DGKI: variants seen among roughly 807,000 people sequenced by gnomAD.
DGKI encodes diacylglycerol kinase iota.
Under a neutral mutation model 147.5 loss-of-function variants are expected in DGKI, and 55 were observed. The ratio of observed to expected loss-of-function variants is 0.37; its 90% CI spans 0.30 to 0.47. The LOEUF is 0.47. Ranked by LOEUF, DGKI falls within the 20% of genes least tolerant of loss-of-function variation. The pLI is 1.00. For missense variants in DGKI, 1,007 were observed against 1,323.8 expected (o/e 0.76, Z 3.71); for synonymous variants, 469 against 477.1 (o/e 0.98, Z 0.22).
intron 20 of DGKI, among the ~76,000 whole-genome samples, chr7:137,524,130 C>A (rs1438247984): frequency 6.8e-6 from 1 of 146,190 alleles, no homozygotes; most frequent in African/African-American, 2.8e-5. Flanking sequence ...GTTAAGTAAA[C>A]CAGAGAACAC....
chr7:137,744,281 A>C (rs1321295546), intron 1 of DGKI, among the ~76,000 whole-genome samples: 3 of 152,200 alleles, frequency 2.0e-5, no homozygotes, highest in Non-Finnish European at 4.4e-5. Context: ...AGACTAGAGA[A>C]TCTTGAGAGA....
Position 137,585,219 on chromosome 7 carries a change from C to A in DGKI, c.1553G>T (p.Gly518Val), listed in dbSNP as rs760427632. The change falls in exon 14 of 33, where the codon GGC becomes GTC. Residue 518 changes from glycine to valine, a missense_variant. Physicochemically the swap from Gly to Val is moderately radical, Grantham distance 109 (BLOSUM62 -3). Coordinates refer to ENST00000614521, the MANE Select transcript of DGKI (RefSeq NM_001321708.2). Reference protein sequence around the residue: ...PDLPPEELEDGVCKLPLNVFN... With the variant: ...PDLPPEELEDVVCKLPLNVFN... ...AAAAAACTCTCTAACCTTACATACG[C>A]CATCTTCAAGTTCTTCTGGAGGCAA... 1.2e-6 allele frequency: 2 copies of A among 1,614,110 alleles called. No homozygotes were observed. The highest frequency in any genetic ancestry group is 4.5e-5 in the East Asian group (2 of 44,884).
intron 3 of DGKI, among the ~76,000 whole-genome samples, chr7:137,668,153 T>C (rs1822708257): frequency 6.6e-6 from 1 of 152,216 alleles, no homozygotes; most frequent in African/African-American, 2.4e-5. Flanking sequence ...CTGATGAGGA[T>C]AGATAAGAAA....
At chr7:137,538,675 A>G (rs1414385198) in intron 20 of DGKI, among the ~76,000 whole-genome samples, 1 of 152,210 alleles carries the variant, frequency 6.6e-6, no homozygotes, top group Non-Finnish European at 1.5e-5. Context: ...GCAGTCCGAT[A>G]GTTCTCTGCT....
At chr7:137,697,774 G>A (rs980382243) in intron 1 of DGKI, among the ~76,000 whole-genome samples, 4 of 151,878 alleles carry the variant, frequency 2.6e-5, no homozygotes, top group African/African-American at 9.7e-5. Flanking sequence ...TTTTATTGGA[G>A]GAGACTAATT....
intron 1 of DGKI, among the ~76,000 whole-genome samples, chr7:137,738,117 G>A (rs2116694848): frequency 6.6e-6 from 1 of 152,192 alleles, no homozygotes; most frequent in African/African-American, 2.4e-5. Context: ...TATAAAATAT[G>A]TCCTATGTTT....
intron 1 of DGKI, among the ~76,000 whole-genome samples, chr7:137,772,925 G>A (rs1796251122): frequency 6.6e-6 from 1 of 152,210 alleles, no homozygotes; most frequent in South Asian, 2.1e-4. Flanking sequence ...TAGACAATGG[G>A]GGTGGAGAGA....
At chr7:137,787,661 CAT>C (rs1796714687) in intron 1 of DGKI, among the ~76,000 whole-genome samples, 2 of 152,128 alleles carry the variant, frequency 1.3e-5, no homozygotes, top group African/African-American at 2.4e-5. Flanking sequence ...CTTGCACACA[CAT>C]GTTTAAGCGG....
intron 1 of DGKI, among the ~76,000 whole-genome samples, chr7:137,752,604 T>C (rs1795536161): frequency 6.6e-6 from 1 of 152,334 alleles, no homozygotes; most frequent in South Asian, 2.1e-4. Context: ...CCAGACATTG[T>C]ATGGAAAAGC....
At chr7:137,729,518 CTT>C (rs1417891379) in intron 1 of DGKI, among the ~76,000 whole-genome samples, 2 of 152,120 alleles carry the variant, frequency 1.3e-5, no homozygotes, top group South Asian at 2.1e-4. Context: ...CTAAATAACT[CTT>C]TGATTTGTAA....
intron 1 of DGKI, among the ~76,000 whole-genome samples, chr7:137,797,266 T>A (rs1275363025): frequency 1.3e-5 from 2 of 152,060 alleles, no homozygotes; most frequent in Non-Finnish European, 2.9e-5. Flanking sequence ...AGAGAACCCA[T>A]CATAAGAAGA....
At chr7:137,411,107 G>A (rs1812146036) in intron 29 of DGKI, among the ~76,000 whole-genome samples, 1 of 152,182 alleles carries the variant, frequency 6.6e-6, no homozygotes, top group Non-Finnish European at 1.5e-5. Context: ...CTGAGGGTAG[G>A]ACTGTTCAGC....
chr7:137,587,117 G>A lies in DGKI; in HGVS notation c.1405C>T (p.Arg469Ter), dbSNP rs750429253. ...CTTACCCCTCCCCAGTTGAGAGTTC[G>A]AGCCAGGTCATTCCCAGTCCCCAGA... The part of the protein sequence containing the change: ...LPLGTGNDLA[R>*]TLNWGGGYTD... Residue 469 changes from arginine to a stop codon, truncating the protein, a stop_gained, in exon 13 of 33, where the codon CGA becomes TGA. Transcript: ENST00000614521. LOFTEE classifies it high-confidence loss of function. The A allele has an allele frequency of 6.2e-7, 1 of 1,609,186 alleles. No homozygotes were observed.
chr7:137,631,944 A>G (rs1563121685), intron 6 of DGKI, among the ~76,000 whole-genome samples: 1 of 152,170 alleles, frequency 6.6e-6, no homozygotes, highest in East Asian at 1.9e-4. Context: ...GAGCACCAAC[A>G]TTGTTGGGAA....
intron 6 of DGKI, among the ~76,000 whole-genome samples, chr7:137,628,015 G>T (rs977169983): frequency 6.6e-6 from 1 of 152,168 alleles, no homozygotes; most frequent in African/African-American, 2.4e-5. Flanking sequence ...TGTATTTAAT[G>T]TGTGTTTATA....
At chr7:137,638,443 TAC>T (rs1181698990) in intron 6 of DGKI, among the ~76,000 whole-genome samples, 2 of 127,584 alleles carry the variant, frequency 1.6e-5, no homozygotes, top group Non-Finnish European at 3.2e-5. Flanking sequence ...TATATATATA[TAC>T]ACACACACAT....
intron 1 of DGKI, among the ~76,000 whole-genome samples, chr7:137,719,391 G>C (rs866657537): frequency 6.6e-6 from 1 of 152,084 alleles, no homozygotes; most frequent in Non-Finnish European, 1.5e-5. Context: ...AGAGAATTTA[G>C]AAGTAATATA....
At chr7:137,750,621 A>G (rs980938589) in intron 1 of DGKI, among the ~76,000 whole-genome samples, 1 of 152,158 alleles carries the variant, frequency 6.6e-6, no homozygotes, top group African/African-American at 2.4e-5. Flanking sequence ...GGCAGCAATC[A>G]GCATCTGTAT....
At chr7:137,563,690 G>C (rs1159395560) in intron 19 of DGKI, among the ~76,000 whole-genome samples, 1 of 151,968 alleles carries the variant, frequency 6.6e-6, no homozygotes, top group African/African-American at 2.4e-5. Flanking sequence ...TTAAATTACT[G>C]TTTAAGATAG....
Sources: gnomAD v4.1 joint callset for allele counts (sites outside exome capture counted in the v4.1 genomes callset) on GRCh38, gnomAD v4.1.1 for gene constraint, MANE v1.5 for transcripts, NCBI Gene and HGNC (gene_info 2026-07-23, HGNC 2026-07-21) for gene names.